Variants in AUTS2 observed in about 807,000 individuals in gnomAD.
AUTS2 encodes the protein activator of transcription and developmental regulator AUTS2.
A neutral mutation model predicts 112.4 loss-of-function variants in AUTS2; 17 were observed. That is an observed-to-expected ratio of 0.15 (90% CI 0.10 to 0.23). The LOEUF (loss-of-function observed/expected upper bound fraction) is 0.23. AUTS2 is among the 10% of genes least tolerant of loss of function. The pLI, the probability that AUTS2 is intolerant of heterozygous loss-of-function variation, is 1.00. For missense variants in AUTS2, 1,510 were observed against 1,701.6 expected (o/e 0.89, Z 1.98); for synonymous variants, 751 against 702.7 (o/e 1.07, Z -1.09).
chr7:70,373,660 A>C (rs1792948591), intron 4 of AUTS2, among the ~76,000 whole-genome samples: 1 of 152,190 alleles, frequency 6.6e-6, no homozygotes, highest in African/African-American at 2.4e-5. Flanking sequence ...ATATCATCTA[A>C]TTAACACCTG....
chr7:70,035,341 T>G (rs1054419993), intron 2 of AUTS2, among the ~76,000 whole-genome samples: 1 of 152,204 alleles, frequency 6.6e-6, no homozygotes, highest in African/African-American at 2.4e-5. Context: ...ATAATGAGAT[T>G]GGCCCTGTGG....
intron 4 of AUTS2, among the ~76,000 whole-genome samples, chr7:70,411,920 C>CTTTTTTTT (rs545022866): frequency 4.6e-5 from 6 of 130,898 alleles, no homozygotes; most frequent in Non-Finnish European, 6.5e-5. Context: ...TTCCTTTTTT[C>CTTTTTTTT]TTTTTTTTTT....
intron 1 of AUTS2, among the ~76,000 whole-genome samples, chr7:69,746,293 C>G (rs1330949534): frequency 1.3e-5 from 2 of 152,144 alleles, no homozygotes; most frequent in Non-Finnish European, 2.9e-5. Flanking sequence ...AGGCTCTCCT[C>G]TTGGCTTTGA....
chr7:69,868,080 T>C (rs932372334), intron 1 of AUTS2, among the ~76,000 whole-genome samples: 1 of 151,898 alleles, frequency 6.6e-6, no homozygotes, highest in African/African-American at 2.4e-5. Context: ...AGAAGAAAAA[T>C]TTAAGTTTAT....
At chr7:69,671,745 G>C in intron 1 of AUTS2, among the ~76,000 whole-genome samples, 1 of 152,148 alleles carries the variant, frequency 6.6e-6, no homozygotes, top group East Asian at 1.9e-4. Context: ...TTTGGATGAA[G>C]CAGCAGTTTG....
intron 5 of AUTS2, among the ~76,000 whole-genome samples, chr7:70,608,024 C>G (rs774787259): frequency 4.1e-4 from 63 of 152,198 alleles, no homozygotes; most frequent in Non-Finnish European, 7.8e-4. Context: ...ACCCTAAGCA[C>G]AGCACAGAGT....
intron 4 of AUTS2, among the ~76,000 whole-genome samples, chr7:70,212,037 T>A (rs1288840291): frequency 6.6e-6 from 1 of 152,116 alleles, no homozygotes. Flanking sequence ...TAGACTTTTT[T>A]AGAATGATAG....
intron 5 of AUTS2, among the ~76,000 whole-genome samples, chr7:70,576,422 C>T (rs899311008): frequency 6.6e-6 from 1 of 152,148 alleles, no homozygotes; most frequent in African/African-American, 2.4e-5. Context: ...CTTGAAGACT[C>T]CATTTTCATT....
chr7:70,317,777 A>G (rs1790065589), intron 4 of AUTS2, among the ~76,000 whole-genome samples: 1 of 152,228 alleles, frequency 6.6e-6, no homozygotes, highest in African/African-American at 2.4e-5. Flanking sequence ...CATGCTGGTT[A>G]GAGGAGAAAT....
intron 5 of AUTS2, among the ~76,000 whole-genome samples, chr7:70,503,515 C>CCTT (rs1378630809): frequency 8.7e-6 from 1 of 114,486 alleles, no homozygotes. Context: ...ACTCCCGTCT[C>CCTT]ATTTTTTTTT....
chr7:70,302,685 C>CA (rs1458614247), intron 4 of AUTS2, among the ~76,000 whole-genome samples: 1 of 151,936 alleles, frequency 6.6e-6, no homozygotes, highest in Non-Finnish European at 1.5e-5. Flanking sequence ...TTGGTTACTT[C>CA]AAAGGTGGCT....
In AUTS2 at chr7:70,470,934, C is replaced by T. The variant is rs142397211; in HGVS notation, c.690+35153C>T. 3.9e-3 allele frequency among the ~76,000 whole-genome samples: 592 copies of T among 152,170 alleles called. 6 individuals are homozygous for T. Among genetic ancestry groups the T allele is most frequent in the African/African-American group, 0.013 (533 of 41,494 alleles). On this transcript the variant is annotated intron_variant, in intron 5 of 18. Transcript: ENST00000342771. ...CCTGCGAACTTCCTGGATATCTTTA[C>T]GGGGAATCATTCCCGGGGAAGGAAG...
intron 4 of AUTS2, among the ~76,000 whole-genome samples, chr7:70,426,035 A>G (rs1377196688): frequency 1.3e-5 from 2 of 152,222 alleles, no homozygotes; most frequent in African/African-American, 2.4e-5. Context: ...AGGAAACTGA[A>G]GCACAGAGAG....
At chr7:70,556,774 C>T (rs1290057164) in intron 5 of AUTS2, among the ~76,000 whole-genome samples, 1 of 152,182 alleles carries the variant, frequency 6.6e-6, no homozygotes, top group Non-Finnish European at 1.5e-5. Flanking sequence ...CCCTTAAGTT[C>T]TGGATCCAAA....
At chr7:70,203,344 TAAAAA>T (rs1229996091) in intron 4 of AUTS2, among the ~76,000 whole-genome samples, 3 of 110,608 alleles carry the variant, frequency 2.7e-5, no homozygotes, top group African/African-American at 7.0e-5. Flanking sequence ...TAGAGTATAA[TAAAAA>T]AAAAAAAAAA....
chr7:70,051,596 G>A (rs1363183142), intron 2 of AUTS2, among the ~76,000 whole-genome samples: 1 of 152,048 alleles, frequency 6.6e-6, no homozygotes, highest in Non-Finnish European at 1.5e-5. Flanking sequence ...GTGGGCACCT[G>A]TAATCCCAGC....
intron 4 of AUTS2, among the ~76,000 whole-genome samples, chr7:70,246,152 A>C (rs189793405): frequency 2.6e-5 from 4 of 152,244 alleles, no homozygotes; most frequent in Non-Finnish European, 5.9e-5. Context: ...GTTATGGTTT[A>C]TCAGCGCATT....
intron 1 of AUTS2, among the ~76,000 whole-genome samples, chr7:69,852,781 C>T (rs1275787225): frequency 2.0e-5 from 3 of 152,012 alleles, no homozygotes; most frequent in Admixed American, 6.6e-5. Context: ...TCATTTATTG[C>T]TAAAAGTTTA....
intron 1 of AUTS2, among the ~76,000 whole-genome samples, chr7:69,759,917 G>A (rs772845733): frequency 2.0e-5 from 3 of 151,282 alleles, no homozygotes; most frequent in African/African-American, 7.3e-5. Flanking sequence ...AGAAGATCCC[G>A]TACAAATAGA....
Sources: allele counts gnomAD v4.1 joint callset (sites outside exome capture counted in the v4.1 genomes callset), GRCh38; gene constraint gnomAD v4.1.1; transcripts MANE v1.5; gene names NCBI Gene and HGNC (gene_info 2026-07-23, HGNC 2026-07-21).